Variants in ANKS1B observed in about 807,000 individuals in gnomAD.
ANKS1B encodes the protein ankyrin repeat and sterile alpha motif domain containing 1B, also known as ankyrin repeat and sterile alpha motif domain-containing protein 1B.
In ANKS1B, 36 loss-of-function variants were observed where a neutral mutation model predicts 148.3. That is an observed-to-expected ratio of 0.24 (90% CI 0.19 to 0.32). The LOEUF (loss-of-function observed/expected upper bound fraction) is 0.32. ANKS1B is among the 10% of genes least tolerant of loss of function. The pLI is 1.00. For synonymous variants in ANKS1B, 542 were observed against 560.8 expected (o/e 0.97, Z 0.47); for missense variants, 1,157 against 1,542.6 (o/e 0.75, Z 4.19).
chr12:98,783,063 G>T (rs1306965881), intron 22 of ANKS1B, among the ~76,000 whole-genome samples: 1 of 151,112 alleles, frequency 6.6e-6, no homozygotes, highest in Non-Finnish European at 1.5e-5. Flanking sequence ...TCTGCAAAGC[G>T]TCACAGTGGA....
In ANKS1B at chr12:98,902,109, CTTGGAA is replaced by C. The variant is rs971804192; in HGVS notation, c.2779-69979_2779-69974del. ...ATACTTTTTCCTGAAGGCAAGCAGG[CTTGGAA>C]TCCAAGGGGAATGAATATAAACACT... is the stretch of plus-strand genomic sequence containing the variant. On this transcript the variant is annotated intron_variant, in intron 17 of 26. Transcript: ENST00000683438. Among the ~76,000 whole-genome samples, 349 of 152,318 alleles carry C rather than the reference CTTGGAA, an allele frequency of 2.3e-3. 2 individuals carry two copies. Among genetic ancestry groups the C allele is most frequent in the African/African-American group, 8.3e-3 (344 of 41,582 alleles).
At chr12:99,189,050 C>A (rs1426603536) in intron 14 of ANKS1B, among the ~76,000 whole-genome samples, 4 of 152,030 alleles carry the variant, frequency 2.6e-5, no homozygotes, top group Non-Finnish European at 1.5e-5. Flanking sequence ...ACCATCAGAG[C>A]ATACTATAAA....
chr12:99,162,579 A>G (rs2076773218), intron 14 of ANKS1B, among the ~76,000 whole-genome samples: 1 of 152,018 alleles, frequency 6.6e-6, no homozygotes, highest in Non-Finnish European at 1.5e-5. Context: ...CTGCAAGGTT[A>G]TTCATGTTAA....
At chr12:99,602,972 T>G (rs66535038) in intron 9 of ANKS1B, among the ~76,000 whole-genome samples, 30,813 of 152,036 alleles carry the variant, frequency 0.2, 3,849 homozygotes, top group Non-Finnish European at 0.28. Context: ...CAAAGTAGAC[T>G]GATTTGTTTG....
intron 12 of ANKS1B, among the ~76,000 whole-genome samples, chr12:99,376,660 T>C (rs2093402508): frequency 1.3e-5 from 2 of 152,240 alleles, no homozygotes; most frequent in South Asian, 4.1e-4. Context: ...AGTAATGGGC[T>C]ACTCTCCCAT....
At chr12:99,779,269 A>T (rs144132183) in intron 6 of ANKS1B, among the ~76,000 whole-genome samples, 249 of 152,368 alleles carry the variant, frequency 1.6e-3, no homozygotes, top group African/African-American at 5.7e-3. Context: ...AAGGCTGGTA[A>T]GACTGAGTTA....
chr12:99,273,749 T>A (rs142314210), intron 12 of ANKS1B, among the ~76,000 whole-genome samples: 14 of 151,620 alleles, frequency 9.2e-5, no homozygotes. Context: ...GCTAATTTTT[T>A]GTATTTTTTG....
chr12:98,877,832 G>A (rs542400458), intron 17 of ANKS1B, among the ~76,000 whole-genome samples: 18 of 152,224 alleles, frequency 1.2e-4, no homozygotes, highest in Middle Eastern at 3.4e-3. Context: ...AAATGAATAT[G>A]TAGCCATTTA....
chr12:99,708,066 A>T (rs750794142), intron 8 of ANKS1B, among the ~76,000 whole-genome samples: 1 of 152,162 alleles, frequency 6.6e-6, no homozygotes, highest in African/African-American at 2.4e-5. Flanking sequence ...AGTTTCTTCC[A>T]GCTGTCACAA....
chr12:99,509,219 C>T (rs2096740179), intron 9 of ANKS1B, among the ~76,000 whole-genome samples: 1 of 151,728 alleles, frequency 6.6e-6, no homozygotes, highest in Non-Finnish European at 1.5e-5. Flanking sequence ...TGAAATTAGG[C>T]CAATTAGTAA....
intron 8 of ANKS1B, among the ~76,000 whole-genome samples, chr12:99,747,351 C>T (rs1443236029): frequency 4.6e-5 from 7 of 152,010 alleles, no homozygotes; most frequent in Admixed American, 4.6e-4. Context: ...TCCCTCTCTC[C>T]TGCAACCTAT....
At chr12:99,386,758 G>A (rs1207810097) in intron 12 of ANKS1B, among the ~76,000 whole-genome samples, 3 of 152,134 alleles carry the variant, frequency 2.0e-5, no homozygotes, top group East Asian at 3.9e-4. Flanking sequence ...TGTAAAATCA[G>A]ATCAGTTATG....
chr12:99,472,613 A>G (rs1180941800), intron 10 of ANKS1B, among the ~76,000 whole-genome samples: 1 of 152,098 alleles, frequency 6.6e-6, no homozygotes, highest in Admixed American at 6.6e-5. Context: ...ATATCCTTTG[A>G]TTACCTTATA....
chr12:99,037,635 G>A (rs1439597417), intron 17 of ANKS1B, among the ~76,000 whole-genome samples: 1 of 152,294 alleles, frequency 6.6e-6, no homozygotes, highest in Middle Eastern at 3.4e-3. Context: ...CTGCTTAGGC[G>A]ATTATTTCAA....
At chr12:99,123,524 G>A (rs925457935) in intron 15 of ANKS1B, among the ~76,000 whole-genome samples, 1 of 152,088 alleles carries the variant, frequency 6.6e-6, no homozygotes, top group African/African-American at 2.4e-5. Flanking sequence ...ATAAGGTGAA[G>A]TCCCACAATA....
chr12:99,387,761 G>A (rs181459417), intron 12 of ANKS1B, among the ~76,000 whole-genome samples: 1 of 151,916 alleles, frequency 6.6e-6, no homozygotes, highest in East Asian at 1.9e-4. Context: ...CTGGAACTCA[G>A]GAAAGTTAAT....
chr12:99,618,736 A>G, intron 9 of ANKS1B, among the ~76,000 whole-genome samples: 1 of 152,086 alleles, frequency 6.6e-6, no homozygotes, highest in East Asian at 1.9e-4. Context: ...AGACACCAGG[A>G]AATACTGCAG....
At chr12:99,075,631 G>A (rs959949446) in intron 16 of ANKS1B, among the ~76,000 whole-genome samples, 4 of 151,884 alleles carry the variant, frequency 2.6e-5, no homozygotes, top group African/African-American at 4.8e-5. Flanking sequence ...CTCATCCAAT[G>A]GCACCAATGA....
chr12:99,750,978 T>C (rs1278036714), intron 8 of ANKS1B, among the ~76,000 whole-genome samples: 2 of 152,082 alleles, frequency 1.3e-5, no homozygotes, highest in Non-Finnish European at 2.9e-5. Context: ...TATGTGATCA[T>C]TGATATTCAT....
Sources: allele counts gnomAD v4.1 joint callset (sites outside exome capture counted in the v4.1 genomes callset), GRCh38; gene constraint gnomAD v4.1.1; transcripts MANE v1.5; gene names NCBI Gene and HGNC (gene_info 2026-07-23, HGNC 2026-07-21).